Variants in NSMCE2 observed in about 807,000 individuals in gnomAD.
NSMCE2 encodes E3 SUMO-protein ligase NSE2.
NSMCE2 carries 24 observed loss-of-function variants against 23.8 expected under a neutral mutation model. The observed-to-expected ratio is 1.01, with a 90% CI of 0.73 to 1.42. The LOEUF (loss-of-function observed/expected upper bound fraction) is 1.42. Among genes scored for constraint, NSMCE2 ranks in the 40% most tolerant of loss-of-function variants. NSMCE2 has a pLI of 0.00. For synonymous variants in NSMCE2, 92 were observed against 94.1 expected, an observed-to-expected ratio of 0.98 and a Z score of 0.13; for missense variants, 284 against 296.5, an observed-to-expected ratio of 0.96 and a Z score of 0.31.
chr8:125,314,536 C>T (rs1223088962), intron 5 of NSMCE2, among the ~76,000 whole-genome samples: 2 of 152,168 alleles, frequency 1.3e-5, no homozygotes, highest in Admixed American at 6.5e-5. Flanking sequence ...GTGATCCACC[C>T]GCCTTGGCCT....
chr8:125,149,309 G>C (rs374710129), intron 3 of NSMCE2, among the ~76,000 whole-genome samples: 1 of 152,182 alleles, frequency 6.6e-6, no homozygotes, highest in East Asian at 1.9e-4. Flanking sequence ...ATACTTATAA[G>C]TAACTATTAT....
At chr8:125,354,644 A>C (rs1458706305) in intron 5 of NSMCE2, among the ~76,000 whole-genome samples, 1 of 152,194 alleles carries the variant, frequency 6.6e-6, no homozygotes, top group Non-Finnish European at 1.5e-5. Context: ...TGAGATCTTC[A>C]CTGCCTTCTT....
chr8:125,290,916 T>A (rs946331666), intron 5 of NSMCE2, among the ~76,000 whole-genome samples: 1 of 151,998 alleles, frequency 6.6e-6, no homozygotes, highest in African/African-American at 2.4e-5. Context: ...TACCATGAGG[T>A]CAGGCACCAT....
In NSMCE2 at chr8:125,147,864, G is replaced by T. The variant is rs554632368; in HGVS notation, c.158-3307G>T. Among the ~76,000 whole-genome samples, 28 of 152,232 alleles carry T rather than the reference G, an allele frequency of 1.8e-4. No individual in the cohort carries two copies. The South Asian group carries it at 5.6e-3, about 30-fold the overall frequency. ...AACAAGAAGAACAAAAAAGAATTAC[G>T]AAAATCCTCTTAAAATTGCTGTGGC... On this transcript the variant is annotated intron_variant, in intron 3 of 7. Transcript: ENST00000287437.
chr8:125,228,580 G>A (rs1164780276), intron 5 of NSMCE2, among the ~76,000 whole-genome samples: 3 of 152,188 alleles, frequency 2.0e-5, no homozygotes, highest in African/African-American at 7.2e-5. Context: ...CACTGGGGAA[G>A]GCAGTACAGG....
chr8:125,326,072 A>G (rs140850499), intron 5 of NSMCE2, among the ~76,000 whole-genome samples: 12,073 of 152,164 alleles, frequency 0.079, 1,561 homozygotes, highest in African/African-American at 0.27. Context: ...CCTGGATAAC[A>G]TGGTGAAACC....
At chr8:125,093,859 T>G (rs762717245) in intron 1 of NSMCE2, among the ~76,000 whole-genome samples, 4 of 152,202 alleles carry the variant, frequency 2.6e-5, no homozygotes, top group Non-Finnish European at 5.9e-5. Flanking sequence ...TGCAGTAGCA[T>G]GATCATAGCT....
chr8:125,150,543 C>T (rs1446411380), intron 3 of NSMCE2, among the ~76,000 whole-genome samples: 1 of 147,524 alleles, frequency 6.8e-6, no homozygotes, highest in Non-Finnish European at 1.5e-5. Flanking sequence ...AAGCAATTTC[C>T]AGCTAATTTC....
intron 5 of NSMCE2, among the ~76,000 whole-genome samples, chr8:125,322,147 G>A (rs998154595): frequency 2.0e-5 from 3 of 152,038 alleles, no homozygotes; most frequent in Non-Finnish European, 2.9e-5. Flanking sequence ...TGGGAGAGTC[G>A]CTTGAGCCCA....
intron 5 of NSMCE2, among the ~76,000 whole-genome samples, chr8:125,307,667 A>G (rs2131219492): frequency 6.6e-6 from 1 of 152,336 alleles, no homozygotes; most frequent in Non-Finnish European, 1.5e-5. Context: ...GATACTGTTA[A>G]TGGAAGAAAT....
At chr8:125,138,480 C>T (rs182497960) in intron 3 of NSMCE2, among the ~76,000 whole-genome samples, 33 of 151,682 alleles carry the variant, frequency 2.2e-4, no homozygotes, top group Admixed American at 8.6e-4. Context: ...CCTGCCTTGG[C>T]TTCTCAAAGT....
intron 5 of NSMCE2, among the ~76,000 whole-genome samples, chr8:125,309,370 T>A (rs1354917724): frequency 6.6e-6 from 1 of 152,080 alleles, no homozygotes; most frequent in African/African-American, 2.4e-5. Flanking sequence ...GGATAAAAAG[T>A]CATATGTGAA....
At chr8:125,205,190 A>T (rs150038539) in intron 5 of NSMCE2, among the ~76,000 whole-genome samples, 187 of 152,286 alleles carry the variant, frequency 1.2e-3, no homozygotes, top group African/African-American at 4.3e-3. Context: ...TGCAGAAATC[A>T]CTGACTTCAG....
At chr8:125,211,629 G>C (rs1212584031) in intron 5 of NSMCE2, among the ~76,000 whole-genome samples, 1 of 152,260 alleles carries the variant, frequency 6.6e-6, no homozygotes, top group South Asian at 2.1e-4. Flanking sequence ...CAAAGGAGAC[G>C]TGAATTTTTA....
rs1333681239 is a variant in NSMCE2 at position 125,187,962 on chromosome 8, A to G, written c.418+5706A>G. 2.6e-5 allele frequency among the ~76,000 whole-genome samples: 4 copies of G among 152,334 alleles called. No homozygotes were observed. The East Asian group carries it at 7.7e-4, about 29-fold the overall frequency. On this transcript the variant is annotated intron_variant, in intron 5 of 7. Coordinates refer to ENST00000287437, the MANE Select transcript of NSMCE2 (RefSeq NM_173685.4). ...TATTTAGGTCACTGTTACATATAGA[A>G]TATATGGTATGGAGATAATTGCAGC...
intron 5 of NSMCE2, among the ~76,000 whole-genome samples, chr8:125,286,313 TTA>T (rs1827894612): frequency 1.0e-5 from 1 of 97,112 alleles, no homozygotes; most frequent in African/African-American, 2.9e-5. Flanking sequence ...TACCTTTTAT[TTA>T]TTTTTTTTTT....
At chr8:125,147,170 TCCAGTGCTGGTG>T (rs1820733382) in intron 3 of NSMCE2, among the ~76,000 whole-genome samples, 1 of 152,204 alleles carries the variant, frequency 6.6e-6, no homozygotes, top group South Asian at 2.1e-4. Flanking sequence ...TACCCACCAC[TCCAGTGCTGGTG>T]CCATCTCTTT....
At chr8:125,336,718 C>A (rs1446096959) in intron 5 of NSMCE2, among the ~76,000 whole-genome samples, 1 of 152,256 alleles carries the variant, frequency 6.6e-6, no homozygotes, top group Admixed American at 6.5e-5. Context: ...GCATTTAATT[C>A]TCTCTTTGGA....
intron 5 of NSMCE2, among the ~76,000 whole-genome samples, chr8:125,231,601 G>T (rs1825325779): frequency 6.6e-6 from 1 of 152,134 alleles, no homozygotes; most frequent in East Asian, 1.9e-4. Flanking sequence ...TTACTTAAAA[G>T]ATTCTGAAAA....
Sources: gnomAD v4.1 joint callset for allele counts (sites outside exome capture counted in the v4.1 genomes callset) on GRCh38, gnomAD v4.1.1 for gene constraint, MANE v1.5 for transcripts, NCBI Gene and HGNC (gene_info 2026-07-23, HGNC 2026-07-21) for gene names.